RBFOX2: variants seen among roughly 807,000 people sequenced by gnomAD.
RBFOX2 encodes RNA binding protein fox-1 homolog 2.
A neutral mutation model predicts 49.1 loss-of-function variants in RBFOX2; 10 were observed. That is an observed-to-expected ratio of 0.20 (90% CI 0.13 to 0.35). The LOEUF is 0.35. RBFOX2 is among the 10% of genes least tolerant of loss of function. The probability of loss-of-function intolerance (pLI) is 1.00; values close to 1 mark genes in which losing one functional copy is unlikely to be tolerated. For missense variants in RBFOX2, 323 were observed against 486.9 expected, an observed-to-expected ratio of 0.66 and a Z score of 3.17; for synonymous variants, 183 against 187.4, an observed-to-expected ratio of 0.98 and a Z score of 0.19.
At chr22:35,809,241 T>C (rs1330103521) in intron 2 of RBFOX2, among the ~76,000 whole-genome samples, 1 of 152,030 alleles carries the variant, frequency 6.6e-6, no homozygotes, top group Non-Finnish European at 1.5e-5. Flanking sequence ...GGCAGAGAGA[T>C]TAAATAACTG....
At chr22:36,013,851 G>C (rs1474122108) in intron 1 of RBFOX2, among the ~76,000 whole-genome samples, 1 of 152,084 alleles carries the variant, frequency 6.6e-6, no homozygotes, top group Non-Finnish European at 1.5e-5. Context: ...AAAGGGGATA[G>C]GGACACATAG....
chr22:35,996,823 T>C (rs2058213761), intron 1 of RBFOX2: 1 of 152,130 alleles, frequency 6.6e-6, no homozygotes, highest in Admixed American at 6.5e-5. Context: ...AAGGAAGAAA[T>C]GTCAGAAGAG....
chr22:35,934,535 T>C (rs147435034), intron 1 of RBFOX2, among the ~76,000 whole-genome samples: 18 of 152,294 alleles, frequency 1.2e-4, no homozygotes, highest in African/African-American at 4.1e-4. Flanking sequence ...CCAACTTGAA[T>C]GCTAAAGTTT....
intron 1 of RBFOX2, among the ~76,000 whole-genome samples, chr22:36,001,547 G>T (rs2150157264): frequency 6.6e-6 from 1 of 152,184 alleles, no homozygotes; most frequent in Non-Finnish European, 1.5e-5. Flanking sequence ...ATCACTTAAG[G>T]CCAGGAGCTT....
chr22:35,778,309 G>A (rs533590218), intron 3 of RBFOX2, among the ~76,000 whole-genome samples: 1 of 152,296 alleles, frequency 6.6e-6, no homozygotes, highest in South Asian at 2.1e-4. Flanking sequence ...GTTATTCACA[G>A]TGTTAGCCCA....
chr22:35,768,311 T>C, exon 5 of RBFOX2: 1 of 1,614,214 alleles, frequency 6.2e-7, no homozygotes. Flanking sequence ...TGGCCCTGTC[T>C]GCATCAGCAC....
chr22:36,027,316 CTG>C (rs1454188293), intron 1 of RBFOX2, among the ~76,000 whole-genome samples: 1 of 152,120 alleles, frequency 6.6e-6, no homozygotes, highest in Non-Finnish European at 1.5e-5. Context: ...GTCTGCACAA[CTG>C]TTGGTAGGTG....
chr22:35,840,831 A>G (rs987939046), upstream of RBFOX2, among the ~76,000 whole-genome samples: 1 of 152,260 alleles, frequency 6.6e-6, no homozygotes, highest in Admixed American at 6.5e-5. Context: ...AATTATTTTT[A>G]ATATTAATAA....
intron 1 of RBFOX2, among the ~76,000 whole-genome samples, chr22:35,836,851 ATTTT>A (rs1957770864): frequency 6.6e-6 from 1 of 152,146 alleles, no homozygotes; most frequent in Non-Finnish European, 1.5e-5. Flanking sequence ...GTCATTTGCA[ATTTT>A]GTTTTTCGAA....
Position 35,809,940 on chromosome 22 carries a change from G to A in RBFOX2, c.92C>T (p.Pro31Leu), listed in dbSNP as rs746747742. ...GGGAATTCCATTCTGCGGAGGTGGT[G>A]GAAATGGGATGGTAGTAAAAGGCTG... Residue 31 changes from proline to leucine, a missense_variant, in exon 2 of 12, where the codon CCA (proline) becomes CTA (leucine). By Grantham distance (98) the Pro-to-Leu change is moderately conservative. This residue lies in a region of RBFOX2 where 123 missense variants were observed against 116.9 expected (regional missense o/e 1.05). Coordinates refer to ENST00000405409, the Ensembl canonical transcript of RBFOX2. 6 of 1,613,996 alleles carry A rather than the reference G, an allele frequency of 3.7e-6. No individual in the cohort carries two copies. In the African/African-American group the frequency reaches 6.7e-5, roughly 18 times the overall value.
At chr22:35,840,168 A>T in intron 1 of RBFOX2, 1 of 1,612,608 alleles carries the variant, frequency 6.2e-7, no homozygotes, top group Non-Finnish European at 8.5e-7. Context: ...GAAAAGAAAC[A>T]TGCCGAGGAA....
intron 1 of RBFOX2, among the ~76,000 whole-genome samples, chr22:35,868,487 C>T (rs1167370120): frequency 6.6e-6 from 1 of 152,068 alleles, no homozygotes; most frequent in Non-Finnish European, 1.5e-5. Flanking sequence ...TGGTGGCTGA[C>T]ACCTGTAATC....
At chr22:35,956,514 A>G (rs1308961567) in intron 1 of RBFOX2, among the ~76,000 whole-genome samples, 1 of 152,086 alleles carries the variant, frequency 6.6e-6, no homozygotes, top group Non-Finnish European at 1.5e-5. Context: ...GGCACATGCC[A>G]GCACACCCGG....
intron 1 of RBFOX2, among the ~76,000 whole-genome samples, chr22:35,860,663 T>C (rs2043000637): frequency 6.6e-6 from 1 of 152,330 alleles, no homozygotes; most frequent in Non-Finnish European, 1.5e-5. Flanking sequence ...GTTTTGGCTA[T>C]TCTAGGTCTT....
At chr22:35,762,303 G>A (rs571631519) in intron 6 of RBFOX2, among the ~76,000 whole-genome samples, 112 of 151,772 alleles carry the variant, frequency 7.4e-4, no homozygotes, top group African/African-American at 2.4e-3. Flanking sequence ...AATAATATAC[G>A]ATTGCTCACT....
At chr22:35,939,771 C>T (rs1388108237), upstream of RBFOX2, among the ~76,000 whole-genome samples, 3 of 152,100 alleles carry the variant, frequency 2.0e-5, no homozygotes. Flanking sequence ...TTCCAGCTTA[C>T]TTGACCCATT....
intron 1 of RBFOX2, among the ~76,000 whole-genome samples, chr22:35,869,735 C>T (rs1051802763): frequency 6.6e-6 from 1 of 152,128 alleles, no homozygotes; most frequent in Non-Finnish European, 1.5e-5. Context: ...CAAGTCATCC[C>T]TCATCTTTTA....
intron 1 of RBFOX2, 67 bp from the exon 3 acceptor site, chr22:35,810,071 G>T: frequency 6.8e-7 from 1 of 1,470,236 alleles, no homozygotes; most frequent in Non-Finnish European, 9.4e-7. Context: ...TTTTTAAAGT[G>T]AGTATATGGA....
chr22:35,949,759 C>T (rs1027165478), intron 1 of RBFOX2, among the ~76,000 whole-genome samples: 1 of 152,056 alleles, frequency 6.6e-6, no homozygotes, highest in Non-Finnish European at 1.5e-5. Flanking sequence ...TATAATTGGG[C>T]CATTTGCTTT....
Sources: gnomAD v4.1 joint callset for allele counts (sites outside exome capture counted in the v4.1 genomes callset) on GRCh38, gnomAD v4.1.1 for gene constraint, gnomAD v4.1.1 regional missense constraint, MANE v1.5 for transcripts, NCBI Gene and HGNC (gene_info 2026-07-23, HGNC 2026-07-21) for gene names.